Variants in ZDHHC7 observed in about 807,000 individuals in gnomAD.
ZDHHC7 encodes zDHHC palmitoyltransferase 7.
Under a neutral mutation model 34.1 loss-of-function variants are expected in ZDHHC7, and 12 were observed. That is an observed-to-expected ratio of 0.35 (90% CI 0.23 to 0.57). The LOEUF is 0.57. ZDHHC7 is among the 20% of genes least tolerant of loss of function. ZDHHC7 has a pLI of 0.84. For synonymous variants in ZDHHC7, 185 were observed against 155.4 expected (o/e 1.19, Z -1.42); for missense variants, 388 against 402.7 (o/e 0.96, Z 0.31).
the ZDHHC7 span, among the ~76,000 whole-genome samples, chr16:85,022,156 T>C: frequency 1.4e-5 from 2 of 144,186 alleles, no homozygotes; most frequent in Non-Finnish European, 3.0e-5. Flanking sequence ...CGAAACTCTG[T>C]CTCAAAAAAA....
chr16:84,976,218 TGCA>T lies in ZDHHC7; in HGVS notation c.*122_*124del. The stretch of plus-strand genomic sequence containing the variant: ...TATAAATATATAAAACTCTGCTTGC[TGCA>T]AGCAATTGGTTTGTGTAGGTTCCAG... On this transcript the variant is annotated 3_prime_UTR_variant, in exon 8 of 8. Transcript: ENST00000313732. 1 of 1,223,450 alleles carries T rather than the reference TGCA, an allele frequency of 8.2e-7. No individual in the cohort carries two copies. The highest frequency in any genetic ancestry group is 1.4e-5 in the South Asian group (1 of 71,128). 75.8% of individuals were successfully genotyped at this position (1,223,450 alleles called of 1,614,324 possible).
upstream of ZDHHC7, among the ~76,000 whole-genome samples, chr16:85,013,898 G>A (rs1486601349): frequency 1.3e-5 from 2 of 151,890 alleles, no homozygotes; most frequent in South Asian, 2.1e-4. Flanking sequence ...ATGTTGGCCA[G>A]GCTGGTCTGC....
At chr16:84,984,209 C>T (rs1245960321) in intron 3 of ZDHHC7, among the ~76,000 whole-genome samples, 3 of 151,838 alleles carry the variant, frequency 2.0e-5, no homozygotes, top group Admixed American at 1.3e-4. Context: ...TTAGTAGAGA[C>T]GGGGTTTCGC....
intron 4 of ZDHHC7, 106 bp from the exon 5 acceptor site, chr16:84,979,391 T>C: frequency 7.0e-7 from 1 of 1,427,484 alleles, no homozygotes; most frequent in Non-Finnish European, 9.4e-7. Context: ...TATATTCTAA[T>C]ACAACATGTC....
intron 7 of ZDHHC7, among the ~76,000 whole-genome samples, 169 bp from the exon 8 acceptor site, chr16:84,976,688 C>A (rs78010725): frequency 3.3e-5 from 5 of 152,232 alleles, no homozygotes; most frequent in Non-Finnish European, 7.3e-5. Flanking sequence ...CCTCTGTGAG[C>A]CCAGCCCGGC....
At chr16:85,007,081 T>G (rs1282418930) in intron 1 of ZDHHC7, among the ~76,000 whole-genome samples, 2 of 132,686 alleles carry the variant, frequency 1.5e-5, no homozygotes, top group East Asian at 5.1e-4. Context: ...CCATATGGAG[T>G]CTGGGTTTGA....
At chr16:85,018,143 T>A in the ZDHHC7 span, among the ~76,000 whole-genome samples, 18 of 152,310 alleles carry the variant, frequency 1.2e-4, no homozygotes, top group Non-Finnish European at 2.4e-4. Flanking sequence ...CAGGGTCTTA[T>A]AAGTCCATAG....
the ZDHHC7 span, among the ~76,000 whole-genome samples, chr16:85,024,234 T>G: frequency 1.4e-5 from 2 of 147,356 alleles, no homozygotes; most frequent in East Asian, 2.0e-4. Context: ...TTTTTTGTTT[T>G]TTTTTTTTTT....
the ZDHHC7 span, among the ~76,000 whole-genome samples, chr16:85,026,245 C>T: frequency 1.3e-5 from 2 of 152,216 alleles, no homozygotes; most frequent in African/African-American, 2.4e-5. Flanking sequence ...TCAGCCACAG[C>T]ATCCATCCTC....
the ZDHHC7 span, among the ~76,000 whole-genome samples, chr16:85,017,561 A>G: frequency 6.2e-4 from 94 of 152,320 alleles, no homozygotes; most frequent in African/African-American, 2.3e-3. Context: ...CTAAATGTCC[A>G]TGAACAGAAT....
At chr16:85,012,999 G>A (rs1302990590), upstream of ZDHHC7, among the ~76,000 whole-genome samples, 3 of 152,118 alleles carry the variant, frequency 2.0e-5, no homozygotes, top group South Asian at 2.1e-4. Context: ...ATTAAGAAGC[G>A]ACAAATGCAG....
intron 1 of ZDHHC7, among the ~76,000 whole-genome samples, chr16:85,010,561 C>T (rs1555516647): frequency 6.6e-6 from 1 of 152,372 alleles, no homozygotes; most frequent in South Asian, 2.1e-4. Context: ...TTGCCCAGCA[C>T]TGTATACAGC....
chr16:84,984,100 A>T (rs1222308131), intron 3 of ZDHHC7, among the ~76,000 whole-genome samples: 1 of 151,022 alleles, frequency 6.6e-6, no homozygotes, highest in Non-Finnish European at 1.5e-5. Context: ...GCTCACTGCA[A>T]CCTCTGCCTC....
chr16:84,980,037 T>TG, intron 4 of ZDHHC7, among the ~76,000 whole-genome samples: 1 of 143,132 alleles, frequency 7.0e-6, no homozygotes, highest in East Asian at 2.2e-4. Context: ...CTCAGCTCCC[T>TG]GCAAGCTCTG....
intron 1 of ZDHHC7, among the ~76,000 whole-genome samples, chr16:84,999,190 G>C (rs1159040854): frequency 2.0e-5 from 3 of 152,160 alleles, no homozygotes; most frequent in Non-Finnish European, 2.9e-5. Flanking sequence ...AAACTGGTTT[G>C]CAAAATTCAG....
chr16:84,983,728 A>T (rs1273218567), intron 3 of ZDHHC7, among the ~76,000 whole-genome samples: 1 of 152,118 alleles, frequency 6.6e-6, no homozygotes, highest in Non-Finnish European at 1.5e-5. Flanking sequence ...CTGGCTGGGC[A>T]GGGTGGCTCA....
At chr16:84,996,534 G>A (rs1242471019) in intron 1 of ZDHHC7, among the ~76,000 whole-genome samples, 5 of 152,190 alleles carry the variant, frequency 3.3e-5, no homozygotes, top group South Asian at 2.1e-4. Flanking sequence ...GTAGCTCCCC[G>A]AACCCTGACA....
rs368981668 is a variant in ZDHHC7, at chr16:84,995,454, C to T, written c.-18+468G>A. On this transcript the variant is annotated intron_variant, in intron 2 of 7. Transcript: ENST00000313732. ...CAGCCTGGCCAACATGGTGAAACCC[C>T]GTCTCTACCAAAAATATAAAAATTA... 1.8e-3 allele frequency among the ~76,000 whole-genome samples: 271 copies of T among 152,170 alleles called. 3 individuals are homozygous for T. The highest frequency in any genetic ancestry group is 6.1e-3 in the African/African-American group (255 of 41,516).
chr16:85,018,053 G>A, the ZDHHC7 span, among the ~76,000 whole-genome samples: 2 of 152,044 alleles, frequency 1.3e-5, no homozygotes, highest in African/African-American at 2.4e-5. Flanking sequence ...GTATATTGAG[G>A]TCCTAGGAGA....
Sources: gnomAD v4.1 joint callset for allele counts (sites outside exome capture counted in the v4.1 genomes callset) on GRCh38, gnomAD v4.1.1 for gene constraint, MANE v1.5 for transcripts, NCBI Gene and HGNC (gene_info 2026-07-23, HGNC 2026-07-21) for gene names.